MLIP: variants seen among roughly 807,000 people sequenced by gnomAD.
The protein encoded by MLIP is muscular LMNA interacting protein, also known as muscular LMNA-interacting protein.
In MLIP, 79 loss-of-function variants were observed where a neutral mutation model predicts 84.8. That is an observed-to-expected ratio of 0.93 (90% CI 0.78 to 1.12). The LOEUF is 1.12. Among genes scored for constraint, MLIP ranks in the 50% most tolerant of loss-of-function variants. The probability of loss-of-function intolerance (pLI) is 0.00; values close to 1 mark genes in which losing one functional copy is unlikely to be tolerated. For missense variants in MLIP, 1,257 were observed against 1,160.6 expected, an observed-to-expected ratio of 1.08 and a Z score of -1.21; for synonymous variants, 504 against 463.0, an observed-to-expected ratio of 1.09 and a Z score of -1.14.
chr6:54,029,283 G>A (rs1763992052), intron 1 of MLIP: 1 of 152,220 alleles, frequency 6.6e-6, no homozygotes, highest in Non-Finnish European at 1.5e-5. Context: ...GAAGAGGTGG[G>A]GCTTTTAAGA....
At chr6:54,198,069 ATAGACT>A (rs536662982) in intron 10 of MLIP, among the ~76,000 whole-genome samples, 10 of 152,258 alleles carry the variant, frequency 6.6e-5, no homozygotes, top group South Asian at 2.1e-4. Context: ...CTCTGGAATG[ATAGACT>A]TAGAAAGATC....
intron 1 of MLIP, chr6:54,083,298 A>C: frequency 2.3e-6 from 1 of 436,554 alleles, no homozygotes; most frequent in Non-Finnish European, 3.8e-6. Context: ...CTCAATTTCC[A>C]GGCAAAGAGT....
upstream of MLIP, among the ~76,000 whole-genome samples, chr6:54,108,037 T>C (rs1265800556): frequency 1.3e-5 from 2 of 152,188 alleles, no homozygotes; most frequent in African/African-American, 4.8e-5. Flanking sequence ...AAAAGCAATA[T>C]CTTAAGAGTC....
chr6:54,083,472 C>T lies in MLIP; in HGVS notation c.64-37975C>T, dbSNP rs547655005. On this transcript the variant is annotated intron_variant, in intron 1 of 12. Coordinates refer to the MLIP transcript ENST00000274897. ...CATCTTTGCAGCTCATCAATATCAG[C>T]AGCTGACACAGGCAAGTGTTTGTCA... is the stretch of plus-strand genomic sequence containing the variant. The T allele has an allele frequency of 5.6e-5, 86 of 1,529,568 alleles. No homozygotes were observed. In the East Asian group the frequency reaches 2.0e-3, roughly 35 times the overall value. 94.7% of individuals were successfully genotyped at this position (1,529,568 alleles called of 1,614,324 possible).
At chr6:54,026,841 T>A (rs1763832373) in intron 1 of MLIP, among the ~76,000 whole-genome samples, 2 of 152,130 alleles carry the variant, frequency 1.3e-5, no homozygotes, top group South Asian at 4.1e-4. Context: ...TCCAGGAGAC[T>A]GGTAGGTAAT....
At chr6:54,182,308 A>G (rs1776956179) in intron 9 of MLIP, among the ~76,000 whole-genome samples, 1 of 152,140 alleles carries the variant, frequency 6.6e-6, no homozygotes, top group Non-Finnish European at 1.5e-5. Flanking sequence ...CACTGAGTTC[A>G]ATGTAATGTC....
chr6:54,192,345 T>C (rs926990450), intron 10 of MLIP, among the ~76,000 whole-genome samples: 10 of 152,114 alleles, frequency 6.6e-5, no homozygotes, highest in African/African-American at 2.4e-4. Flanking sequence ...TATTCAATAA[T>C]TTTGGTTTCT....
chr6:54,135,978 G>T lies in MLIP; in HGVS notation c.646-737G>T, dbSNP rs1183346261. Among the ~76,000 whole-genome samples the T allele has an allele frequency of 2.0e-5, 3 of 152,046 alleles. No individual in the cohort carries two copies. In the East Asian group the frequency reaches 5.8e-4, roughly 29 times the overall value. On this transcript the variant is annotated intron_variant, in intron 3 of 13. Coordinates refer to ENST00000502396, the MANE Select transcript of MLIP (RefSeq NM_001281747.2). ...TCCTTGTTTCAGGTGGATTGTATTT[G>T]TAAAGTGTTCGGGCTTCTTTTGACA...
intron 10 of MLIP, among the ~76,000 whole-genome samples, chr6:54,195,010 T>A (rs1464893462): frequency 6.6e-6 from 1 of 152,106 alleles, no homozygotes; most frequent in Non-Finnish European, 1.5e-5. Flanking sequence ...ATTATCTGAA[T>A]GAGTAAATCA....
chr6:54,217,680 T>C, intron 11 of MLIP: 1 of 984,144 alleles, frequency 1.0e-6, no homozygotes, highest in Non-Finnish European at 1.2e-6. Context: ...TAGTTCTATG[T>C]ATACTGAAAT....
intron 1 of MLIP, among the ~76,000 whole-genome samples, chr6:54,022,299 C>T (rs1763540805): frequency 6.6e-6 from 1 of 152,180 alleles, no homozygotes; most frequent in South Asian, 2.1e-4. Flanking sequence ...CCAGTGTTTC[C>T]TAAACTCGCC....
chr6:54,215,588 T>C (rs1330282655), intron 11 of MLIP: 5 of 194,152 alleles, frequency 2.6e-5, no homozygotes. Flanking sequence ...ACTATTAATG[T>C]ACTAGTTACT....
chr6:54,106,403 C>T (rs1769020828), intron 1 of MLIP, among the ~76,000 whole-genome samples: 1 of 152,074 alleles, frequency 6.6e-6, no homozygotes, highest in Admixed American at 6.6e-5. Context: ...TTCATCAGAC[C>T]ATCCATATGG....
intron 9 of MLIP, among the ~76,000 whole-genome samples, chr6:54,177,882 A>AT (rs1231469838): frequency 3.3e-5 from 5 of 152,156 alleles, no homozygotes; most frequent in Admixed American, 6.5e-5. Context: ...GAAAAAGATC[A>AT]TGTCTTTTGC....
chr6:54,179,815 A>T (rs1776667713), intron 9 of MLIP, among the ~76,000 whole-genome samples: 2 of 152,084 alleles, frequency 1.3e-5, no homozygotes, highest in Admixed American at 6.6e-5. Flanking sequence ...TAGTCTTTCT[A>T]CTTAAAAGCA....
intron 9 of MLIP, among the ~76,000 whole-genome samples, chr6:54,186,079 G>C (rs1452508157): frequency 1.3e-5 from 2 of 151,974 alleles, no homozygotes; most frequent in South Asian, 2.1e-4. Flanking sequence ...GTTAGACACT[G>C]TGTACAAAGG....
chr6:54,244,684 C>CT (rs1458679474), intron 12 of MLIP, among the ~76,000 whole-genome samples: 1 of 152,174 alleles, frequency 6.6e-6, no homozygotes, highest in Admixed American at 6.5e-5. Flanking sequence ...TTCTGTTTAT[C>CT]TAATTACCAG....
chr6:54,168,610 G>A lies in MLIP; in HGVS notation c.2500-918G>A, dbSNP rs187872771. 6.3e-3 allele frequency among the ~76,000 whole-genome samples: 957 copies of A among 151,868 alleles called. 6 individuals are homozygous for A. The highest frequency in any genetic ancestry group is 8.1e-3 in the Non-Finnish European group (551 of 67,850). ...TGTAGAACAGTGACTGGCACACACA[G>A]TAGATACACAAATATGTATTGAGTG... On this transcript the variant is annotated intron_variant, in intron 8 of 13. Transcript: ENST00000502396.
At chr6:54,246,417 G>T (rs1782086943) in intron 12 of MLIP, among the ~76,000 whole-genome samples, 4 of 151,832 alleles carry the variant, frequency 2.6e-5, no homozygotes, top group South Asian at 2.1e-4. Flanking sequence ...ATTTCTTCTT[G>T]AATTCCATTT....
Sources: allele counts gnomAD v4.1 joint callset (sites outside exome capture counted in the v4.1 genomes callset), GRCh38; gene constraint gnomAD v4.1.1; transcripts MANE v1.5; gene names NCBI Gene and HGNC (gene_info 2026-07-23, HGNC 2026-07-21).